Variants in ACYP2 observed in about 807,000 individuals in gnomAD.
ACYP2 encodes acylphosphatase-2.
A neutral mutation model predicts 11.2 loss-of-function variants in ACYP2; 12 were observed. The observed-to-expected ratio is 1.08, with a 90% confidence interval of 0.69 to 1.74. The LOEUF (loss-of-function observed/expected upper bound fraction) is 1.74. ACYP2 is among the 40% of genes most tolerant of loss of function. The pLI is 0.00. For synonymous variants in ACYP2, 43 were observed against 32.2 expected (o/e 1.33, Z -1.13); for missense variants, 134 against 101.9 (o/e 1.31, Z -1.35).
At chr2:54,127,517 G>A (rs911268959) in intron 4 of ACYP2, among the ~76,000 whole-genome samples, 1 of 152,052 alleles carries the variant, frequency 6.6e-6, no homozygotes, top group African/African-American at 2.4e-5. Flanking sequence ...GGATCATGAG[G>A]TCAGGAGATT....
chr2:54,096,941 C>T (rs1678627913), intron 4 of ACYP2, among the ~76,000 whole-genome samples: 1 of 152,168 alleles, frequency 6.6e-6, no homozygotes, highest in Non-Finnish European at 1.5e-5. Context: ...AACTCTTGAC[C>T]TCAAGCAATC....
intron 6 of ACYP2, among the ~76,000 whole-genome samples, chr2:54,301,526 A>G (rs1689728238): frequency 1.3e-5 from 2 of 152,090 alleles, no homozygotes; most frequent in Admixed American, 6.6e-5. Flanking sequence ...ATCTCTATGT[A>G]TGCCCTCCAG....
intron 6 of ACYP2, among the ~76,000 whole-genome samples, chr2:54,298,770 G>A (rs1375624290): frequency 6.6e-6 from 1 of 152,230 alleles, no homozygotes; most frequent in Admixed American, 6.5e-5. Context: ...TTTGTTTTGA[G>A]ACAGTCTTAC....
intron 6 of ACYP2, among the ~76,000 whole-genome samples, chr2:54,258,331 T>C (rs576096987): frequency 1.1e-4 from 17 of 152,240 alleles, no homozygotes; most frequent in African/African-American, 4.1e-4. Flanking sequence ...AGTCAGCTAG[T>C]AGAAATCCTG....
intron 6 of ACYP2, among the ~76,000 whole-genome samples, chr2:54,285,397 C>T (rs932848792): frequency 6.6e-6 from 1 of 152,196 alleles, no homozygotes; most frequent in South Asian, 2.1e-4. Flanking sequence ...TCTTCTGTTT[C>T]CATTTATTCC....
chr2:54,119,684 C>T (rs562835575), intron 4 of ACYP2, among the ~76,000 whole-genome samples: 1 of 152,246 alleles, frequency 6.6e-6, no homozygotes, highest in South Asian at 2.1e-4. Flanking sequence ...AAACGTTTTC[C>T]AACCAAAAAT....
intron 6 of ACYP2, among the ~76,000 whole-genome samples, chr2:54,160,982 A>G (rs769969328): frequency 2.6e-5 from 4 of 152,240 alleles, no homozygotes; most frequent in African/African-American, 9.6e-5. Flanking sequence ...AATGATCTCA[A>G]AGTAGGACCT....
intron 6 of ACYP2, among the ~76,000 whole-genome samples, chr2:54,289,898 C>G (rs1245503149): frequency 6.6e-6 from 1 of 152,008 alleles, no homozygotes; most frequent in Non-Finnish European, 1.5e-5. Flanking sequence ...CAGGGTTAAC[C>G]ACATGTAGTA....
chr2:53,999,920 C>T (rs1183842054), intron 2 of ACYP2, among the ~76,000 whole-genome samples: 1 of 151,968 alleles, frequency 6.6e-6, no homozygotes, highest in East Asian at 1.9e-4. Flanking sequence ...ATCCACTTGC[C>T]CTTGAGATTT....
At chr2:53,980,287 A>G (rs568172148) in intron 2 of ACYP2, among the ~76,000 whole-genome samples, 32 of 152,230 alleles carry the variant, frequency 2.1e-4, no homozygotes, top group African/African-American at 7.5e-4. Context: ...TGGGAGGTGG[A>G]AGCTGTAGTG....
intron 6 of ACYP2, among the ~76,000 whole-genome samples, chr2:54,246,181 A>T (rs1324804814): frequency 6.6e-6 from 1 of 151,992 alleles, no homozygotes; most frequent in East Asian, 1.9e-4. Flanking sequence ...AAATGGATTA[A>T]TTTCTGGGTT....
intron 4 of ACYP2, among the ~76,000 whole-genome samples, chr2:54,088,657 TC>T (rs1427777959): frequency 6.6e-6 from 1 of 152,164 alleles, no homozygotes; most frequent in African/African-American, 2.4e-5. Flanking sequence ...TAAATCAACT[TC>T]CGAATTCTGT....
At chr2:54,044,513 G>A (rs1675412962) in intron 2 of ACYP2, among the ~76,000 whole-genome samples, 1 of 151,992 alleles carries the variant, frequency 6.6e-6, no homozygotes, top group African/African-American at 2.4e-5. Flanking sequence ...CCTGAGCCCG[G>A]GAGGTGGAGG....
intron 6 of ACYP2, among the ~76,000 whole-genome samples, chr2:54,165,522 C>G (rs1385817167): frequency 2.8e-5 from 2 of 72,662 alleles, no homozygotes; most frequent in African/African-American, 1.1e-4. Flanking sequence ...TTCACTCTCT[C>G]TCTCTCTCTC....
chr2:54,077,037 T>C (rs1677378583), intron 4 of ACYP2, among the ~76,000 whole-genome samples: 1 of 152,268 alleles, frequency 6.6e-6, no homozygotes, highest in South Asian at 2.1e-4. Flanking sequence ...TTTTCAATAA[T>C]GTGTTTTTCT....
intron 6 of ACYP2, among the ~76,000 whole-genome samples, chr2:54,228,639 G>A (rs1179896585): frequency 6.6e-6 from 1 of 151,818 alleles, no homozygotes; most frequent in Non-Finnish European, 1.5e-5. Context: ...ATAGCCCTGA[G>A]GCCAAGTTCT....
intron 6 of ACYP2, among the ~76,000 whole-genome samples, chr2:54,201,636 C>CTTTGTTTCTTTT (rs59874821): frequency 0.016 from 1,480 of 93,672 alleles, 43 homozygotes; most frequent in South Asian, 0.039. Flanking sequence ...TTCTTTCTTT[C>CTTTGTTTCTTTT]TCTTTCTTTC....
chr2:54,118,446 GA>G (rs1302335043), intron 4 of ACYP2, among the ~76,000 whole-genome samples: 1 of 152,186 alleles, frequency 6.6e-6, no homozygotes, highest in East Asian at 1.9e-4. Flanking sequence ...AATTTTGTGA[GA>G]TGCATGTCTT....
rs921489092 is a variant in ACYP2, at chr2:54,211,247, A to T, written c.404+72499A>T. Among the ~76,000 whole-genome samples the T allele has an allele frequency of 3.9e-5, 6 of 152,362 alleles. No homozygotes were observed. The East Asian group carries it at 9.6e-4, about 24-fold the overall frequency. Reference sequence around the variant, plus strand: ...TAATAGATTCATAAATTTTTGTTTTAGAAATACTGTTAGAGTTTCCTGATG... The same window carrying T: ...TAATAGATTCATAAATTTTTGTTTTTGAAATACTGTTAGAGTTTCCTGATG... On this transcript the variant is annotated intron_variant, in intron 6 of 6. Coordinates refer to ENST00000607452, the MANE Select transcript of ACYP2 (RefSeq NM_001320586.2).
Sources: allele counts gnomAD v4.1 joint callset (sites outside exome capture counted in the v4.1 genomes callset), GRCh38; gene constraint gnomAD v4.1.1; transcripts MANE v1.5; gene names NCBI Gene and HGNC (gene_info 2026-07-23, HGNC 2026-07-21).